Variants in YPEL1 observed in about 807,000 individuals in gnomAD.
The protein encoded by YPEL1 is protein yippee-like 1.
Under a neutral mutation model 17.3 loss-of-function variants are expected in YPEL1, and 7 were observed. The ratio of observed to expected loss-of-function variants is 0.40; its 90% CI spans 0.23 to 0.76. The LOEUF (loss-of-function observed/expected upper bound fraction) is 0.76. YPEL1 is among the 30% of genes least tolerant of loss of function. YPEL1 has a pLI of 0.35. For synonymous variants in YPEL1, 59 were observed against 59.6 expected, an observed-to-expected ratio of 0.99 and a Z score of 0.05; for missense variants, 91 against 155.5, an observed-to-expected ratio of 0.59 and a Z score of 2.21.
chr22:21,716,552 T>C (rs1157634494), intron 1 of YPEL1, among the ~76,000 whole-genome samples: 1 of 152,298 alleles, frequency 6.6e-6, no homozygotes, highest in Non-Finnish European at 1.5e-5. Context: ...ACAGGACTTA[T>C]GGCCCAAATT....
intron 1 of YPEL1, among the ~76,000 whole-genome samples, chr22:21,712,627 G>A (rs1482935401): frequency 2.6e-5 from 4 of 151,052 alleles, no homozygotes; most frequent in South Asian, 2.1e-4. Flanking sequence ...TTGGGAGGCC[G>A]AGGCAGCAGA....
At chr22:21,716,660 G>A (rs1407152289) in intron 1 of YPEL1, among the ~76,000 whole-genome samples, 3 of 152,288 alleles carry the variant, frequency 2.0e-5, no homozygotes, top group Non-Finnish European at 2.9e-5. Flanking sequence ...AGAAGGAAGC[G>A]TAAACCTAGT....
At chr22:21,722,332 C>T (rs1456228764) in intron 1 of YPEL1, among the ~76,000 whole-genome samples, 1 of 152,170 alleles carries the variant, frequency 6.6e-6, no homozygotes, top group Admixed American at 6.6e-5. Context: ...AGAAGAAATG[C>T]TTGAACCCTG....
At position 21,710,908 on chromosome 22, in the gene YPEL1, C is replaced by T. The variant is rs1490169989; in HGVS notation, c.-164G>A. On this transcript the variant is annotated splice_region_variant and 5_prime_UTR_variant, in exon 2 of 5. Coordinates refer to ENST00000339468, the MANE Select transcript of YPEL1 (RefSeq NM_013313.5). The stretch of plus-strand genomic sequence containing the variant: ...CAGCTGGGACGAGAGAAAAACGTAA[C>T]CTGCCAACCAATCAGACAAAGTGGT... 8 of 673,046 alleles carry T rather than the reference C, an allele frequency of 1.2e-5. No individual in the cohort carries two copies. The highest frequency in any genetic ancestry group is 2.1e-5 in the Non-Finnish European group (8 of 373,024). 41.7% of individuals were successfully genotyped at this position (673,046 alleles called of 1,614,324 possible). A position where few individuals can be genotyped will look rare whatever the true frequency, so the allele number is the denominator to read the frequency against.
At chr22:21,717,888 A>G (rs1318633032) in intron 1 of YPEL1, among the ~76,000 whole-genome samples, 1 of 152,184 alleles carries the variant, frequency 6.6e-6, no homozygotes, top group Non-Finnish European at 1.5e-5. Flanking sequence ...GCACTTTGGG[A>G]GGCCAAGGCA....
chr22:21,723,436 C>T (rs1371279119), intron 1 of YPEL1, among the ~76,000 whole-genome samples: 6 of 152,114 alleles, frequency 3.9e-5, no homozygotes, highest in African/African-American at 9.7e-5. Context: ...GGCGCGATCT[C>T]GGTTCACTGC....
intron 2 of YPEL1, among the ~76,000 whole-genome samples, chr22:21,709,357 G>A (rs2148600190): frequency 6.6e-6 from 1 of 152,346 alleles, no homozygotes. Context: ...CAATGAGAGA[G>A]CAGAAACTCT....
At chr22:21,731,987 C>T (rs1378326735) in intron 1 of YPEL1, among the ~76,000 whole-genome samples, 2 of 152,304 alleles carry the variant, frequency 1.3e-5, no homozygotes, top group East Asian at 3.9e-4. Flanking sequence ...CCAGGAATCC[C>T]GGCCCCGGCC....
chr22:21,716,124 G>T (rs866727042), intron 1 of YPEL1, among the ~76,000 whole-genome samples: 1 of 152,070 alleles, frequency 6.6e-6, no homozygotes, highest in Non-Finnish European at 1.5e-5. Flanking sequence ...GTCCAGGCTG[G>T]TCTCAAATTC....
At chr22:21,708,170 C>T (rs1467406438) in intron 2 of YPEL1, among the ~76,000 whole-genome samples, 2 of 152,016 alleles carry the variant, frequency 1.3e-5, no homozygotes, top group African/African-American at 2.4e-5. Flanking sequence ...GAAAAGCTCA[C>T]TCTAGTCGTC....
At chr22:21,725,506 G>A (rs934871931) in intron 1 of YPEL1, among the ~76,000 whole-genome samples, 5 of 151,992 alleles carry the variant, frequency 3.3e-5, no homozygotes, top group African/African-American at 1.2e-4. Flanking sequence ...TGGGATTACA[G>A]GTGTGAGCCA....
chr22:21,710,931 G>A (rs1330190795), intron 1 of YPEL1, 23 bp from the exon 2 acceptor site: 1 of 635,064 alleles, frequency 1.6e-6, no homozygotes. Context: ...CAGACAAAGT[G>A]GTGGGTTACA....
intron 1 of YPEL1, among the ~76,000 whole-genome samples, chr22:21,722,427 A>G (rs189081415): frequency 6.6e-6 from 1 of 151,844 alleles, no homozygotes; most frequent in Non-Finnish European, 1.5e-5. Flanking sequence ...AAAAAACCCC[A>G]AAACCAAAAA....
At chr22:21,731,521 T>G (rs1601645402) in intron 1 of YPEL1, among the ~76,000 whole-genome samples, 4 of 135,632 alleles carry the variant, frequency 2.9e-5, no homozygotes, top group South Asian at 2.3e-4. Flanking sequence ...GGCCCTGTCT[T>G]GGGGCAAGAG....
intron 2 of YPEL1, among the ~76,000 whole-genome samples, chr22:21,704,298 G>A (rs748136254): frequency 2.6e-5 from 4 of 152,170 alleles, no homozygotes; most frequent in Admixed American, 6.6e-5. Context: ...GTTCAGATGT[G>A]CTCACGCTGC....
intron 1 of YPEL1, among the ~76,000 whole-genome samples, chr22:21,731,250 G>A (rs549437226): frequency 1.3e-5 from 2 of 151,670 alleles, no homozygotes; most frequent in South Asian, 2.1e-4. Flanking sequence ...GTGGTGGCAC[G>A]TGCCTGTCGT....
intron 1 of YPEL1, among the ~76,000 whole-genome samples, chr22:21,731,111 C>G (rs2068381347): frequency 6.6e-6 from 1 of 152,118 alleles, no homozygotes; most frequent in Non-Finnish European, 1.5e-5. Flanking sequence ...TGCATGGTGA[C>G]TCATGCCTGT....
chr22:21,724,496 C>T (rs1253468452), intron 1 of YPEL1, among the ~76,000 whole-genome samples: 3 of 152,076 alleles, frequency 2.0e-5, no homozygotes, highest in Non-Finnish European at 4.4e-5. Context: ...ATGATCGCAC[C>T]ACTGCACTCC....
chr22:21,706,523 T>A (rs1249735967), intron 2 of YPEL1, among the ~76,000 whole-genome samples: 5 of 151,954 alleles, frequency 3.3e-5, no homozygotes, highest in Non-Finnish European at 5.9e-5. Context: ...CATATGGGCC[T>A]CATGCAGGGG....
Sources: gnomAD v4.1 joint callset for allele counts (sites outside exome capture counted in the v4.1 genomes callset) on GRCh38, gnomAD v4.1.1 for gene constraint, MANE v1.5 for transcripts, NCBI Gene and HGNC (gene_info 2026-07-23, HGNC 2026-07-21) for gene names.